Variants in CORO2B observed in about 807,000 individuals in gnomAD.
CORO2B encodes the protein coronin 2B, also known as coronin-2B.
CORO2B carries 26 observed loss-of-function variants against 58.8 expected under a neutral mutation model. That is an observed-to-expected ratio of 0.44 (90% CI 0.32 to 0.61). The LOEUF is 0.61. CORO2B is among the 20% of genes least tolerant of loss of function. The pLI is 0.04. For synonymous variants in CORO2B, 242 were observed against 253.8 expected, an observed-to-expected ratio of 0.95 and a Z score of 0.44; for missense variants, 460 against 645.1, an observed-to-expected ratio of 0.71 and a Z score of 3.11.
intron 3 of CORO2B, among the ~76,000 whole-genome samples, chr15:68,695,783 G>A (rs1446999541): frequency 6.6e-6 from 1 of 152,156 alleles, no homozygotes; most frequent in Non-Finnish European, 1.5e-5. Flanking sequence ...TGAACTCCAT[G>A]TGTCCCACCA....
chr15:68,591,430 C>T (rs974971240), intron 1 of CORO2B, among the ~76,000 whole-genome samples: 1 of 152,140 alleles, frequency 6.6e-6, no homozygotes, highest in Non-Finnish European at 1.5e-5. Context: ...GACAGGCAGG[C>T]AGGGGCCATG....
At chr15:68,539,327 T>C in the CORO2B span, among the ~76,000 whole-genome samples, 583 of 152,274 alleles carry the variant, frequency 3.8e-3, 3 homozygotes, top group Middle Eastern at 0.01. Flanking sequence ...AAGGATAAAT[T>C]TGGAACTGAG....
At chr15:68,667,828 A>G (rs1015987631) in intron 2 of CORO2B, among the ~76,000 whole-genome samples, 4 of 152,196 alleles carry the variant, frequency 2.6e-5, no homozygotes, top group African/African-American at 9.7e-5. Flanking sequence ...AGTTACTTCC[A>G]TCTCTGGAAA....
chr15:68,537,726 T>G, the CORO2B span, among the ~76,000 whole-genome samples: 1 of 152,294 alleles, frequency 6.6e-6, no homozygotes, highest in Admixed American at 6.5e-5. Context: ...CTCCCGCTTA[T>G]AAGTAAGAAC....
intron 1 of CORO2B, among the ~76,000 whole-genome samples, chr15:68,629,218 G>T (rs77856019): frequency 0.021 from 3,167 of 152,368 alleles, 51 homozygotes; most frequent in Non-Finnish European, 0.031. Flanking sequence ...TCTGAGAAAA[G>T]CATTTAGATC....
the CORO2B span, among the ~76,000 whole-genome samples, chr15:68,556,880 T>A: frequency 6.6e-6 from 1 of 152,142 alleles, no homozygotes; most frequent in Non-Finnish European, 1.5e-5. Flanking sequence ...GGGCCTCTTT[T>A]CCCTTCCTAG....
the CORO2B span, among the ~76,000 whole-genome samples, chr15:68,557,937 G>T: frequency 6.6e-6 from 1 of 152,170 alleles, no homozygotes; most frequent in Non-Finnish European, 1.5e-5. Flanking sequence ...AATATATTAC[G>T]TCTGTCCAGT....
intron 2 of CORO2B, among the ~76,000 whole-genome samples, chr15:68,692,170 G>A (rs550981337): frequency 5.4e-4 from 83 of 152,352 alleles, no homozygotes; most frequent in African/African-American, 1.9e-3. Flanking sequence ...CCTTGGGCAA[G>A]TAGCTTAACC....
intron 11 of CORO2B, among the ~76,000 whole-genome samples, chr15:68,721,402 G>A (rs1893156339): frequency 6.6e-6 from 1 of 152,108 alleles, no homozygotes; most frequent in Non-Finnish European, 1.5e-5. Flanking sequence ...GGCAGTAGAG[G>A]CGAAGTAAGA....
In CORO2B at chr15:68,613,785, T is replaced by C. The variant is rs185238202; in HGVS notation, c.16-31375T>C. ...GCAGTCCTTGGCAAAGCTCCTACTGTGTATACCTGTATAGATGGCTGAAAC... is the reference window on the plus strand; with the variant it reads ...GCAGTCCTTGGCAAAGCTCCTACTGCGTATACCTGTATAGATGGCTGAAAC... On this transcript the variant is annotated intron_variant, in intron 1 of 11. Transcript: ENST00000261861. Among the ~76,000 whole-genome samples, 203 of 152,350 alleles carry C rather than the reference T, an allele frequency of 1.3e-3. 1 individual carries two copies. The highest frequency in any genetic ancestry group is 4.7e-3 in the African/African-American group (195 of 41,578).
intron 3 of CORO2B, among the ~76,000 whole-genome samples, chr15:68,699,341 T>A (rs1486257131): frequency 6.6e-6 from 1 of 152,062 alleles, no homozygotes; most frequent in Non-Finnish European, 1.5e-5. Flanking sequence ...CACTACACGC[T>A]CCAGGGAACC....
At chr15:68,587,872 A>T (rs940009678) in intron 1 of CORO2B, among the ~76,000 whole-genome samples, 2 of 152,040 alleles carry the variant, frequency 1.3e-5, no homozygotes, top group Non-Finnish European at 2.9e-5. Context: ...CTGTCTTGCC[A>T]CTTTGTCAGG....
rs111249770 is a variant in CORO2B, at chr15:68,645,963, G to T, written c.216+603G>T. ...TAATTTTTGTATTTTCAGTAGAGAT[G>T]GGGTTTCACCATGTTGGTCAGGCTG... On this transcript the variant is annotated intron_variant, in intron 2 of 11. Coordinates refer to ENST00000261861, the MANE Select transcript of CORO2B (RefSeq NM_006091.5). The surrounding 1 kb of genome is among the most constrained non-coding windows in gnomAD (Gnocchi z 4.5). 2.0e-5 allele frequency among the ~76,000 whole-genome samples: 3 copies of T among 151,708 alleles called. No individual in the cohort carries two copies. Among genetic ancestry groups the T allele is most frequent in the Non-Finnish European group, 4.4e-5 (3 of 67,942 alleles).
At chr15:68,540,147 A>T in the CORO2B span, among the ~76,000 whole-genome samples, 2 of 152,228 alleles carry the variant, frequency 1.3e-5, no homozygotes, top group Non-Finnish European at 2.9e-5. Context: ...TCAACCTTGC[A>T]CTTTAAATGG....
the CORO2B span, among the ~76,000 whole-genome samples, chr15:68,519,487 T>C: frequency 8.5e-5 from 13 of 152,228 alleles, 1 homozygote; most frequent in Admixed American, 5.9e-4. Context: ...CATTCTGCTA[T>C]ATAACCTGTA....
At chr15:68,533,243 T>A in the CORO2B span, among the ~76,000 whole-genome samples, 4 of 152,144 alleles carry the variant, frequency 2.6e-5, no homozygotes, top group Non-Finnish European at 4.4e-5. Context: ...ATCTGAAAAA[T>A]TATTTAATAT....
the CORO2B span, among the ~76,000 whole-genome samples, chr15:68,569,484 A>G: frequency 6.6e-6 from 1 of 152,140 alleles, no homozygotes; most frequent in Non-Finnish European, 1.5e-5. Flanking sequence ...TCTTTTTGAC[A>G]CGGAATAATA....
At chr15:68,608,531 C>CGT (rs372242875) in intron 1 of CORO2B, among the ~76,000 whole-genome samples, 2 of 152,068 alleles carry the variant, frequency 1.3e-5, no homozygotes, top group Admixed American at 6.5e-5. Flanking sequence ...TGCACGCGTG[C>CGT]GTGTGTGTGT....
At position 68,726,792 on chromosome 15, in the gene CORO2B, C is replaced by CT. The variant is rs1596044945; in HGVS notation, c.*818_*819insT. ...ACCAAGACCCTGGGTGTTCAGACCCCAAGGCCAGGGCCTTTCCCGCTGCAT... is the reference window on the plus strand; with the variant it reads ...ACCAAGACCCTGGGTGTTCAGACCCCTAAGGCCAGGGCCTTTCCCGCTGCAT... On this transcript the variant is annotated 3_prime_UTR_variant, in exon 12 of 12. Transcript: ENST00000261861. The CT allele has an allele frequency of 6.6e-6, 1 of 152,242 alleles. No homozygotes were observed. Among genetic ancestry groups the CT allele is most frequent in the African/African-American group, 2.4e-5 (1 of 41,460 alleles). The allele number at this position is 152,242 out of a possible 1,614,324, so 9.4% of individuals were successfully genotyped here.
Sources: gnomAD v4.1 joint callset for allele counts (sites outside exome capture counted in the v4.1 genomes callset) on GRCh38, gnomAD v4.1.1 for gene constraint, Gnocchi (gnomAD v3.1) non-coding constraint, MANE v1.5 for transcripts, NCBI Gene and HGNC (gene_info 2026-07-23, HGNC 2026-07-21) for gene names.